The following TRPC4AP variants were observed in gnomAD, a reference collection of about 807,000 sequenced individuals.
TRPC4AP encodes transient receptor potential cation channel subfamily C member 4 associated protein, also known as short transient receptor potential channel 4-associated protein.
TRPC4AP carries 45 observed loss-of-function variants against 99.0 expected under a neutral mutation model. The observed-to-expected ratio is 0.45, with a 90% CI of 0.36 to 0.58. The LOEUF (loss-of-function observed/expected upper bound fraction) is 0.58, where lower values mean the gene tolerates loss of function less well. Ranked by LOEUF, TRPC4AP falls within the 20% of genes least tolerant of loss-of-function variation. The probability of loss-of-function intolerance (pLI) is 0.00; values close to 1 mark genes in which losing one functional copy is unlikely to be tolerated. For synonymous variants in TRPC4AP, 408 were observed against 385.8 expected (o/e 1.06, Z -0.67); for missense variants, 879 against 985.3 (o/e 0.89, Z 1.44).
At chr20:35,080,377 T>G (rs1052576218) in intron 1 of TRPC4AP, among the ~76,000 whole-genome samples, 2 of 151,682 alleles carry the variant, frequency 1.3e-5, no homozygotes, top group African/African-American at 4.8e-5. Context: ...GGCACATGCC[T>G]GTAGTCCCAG....
At chr20:35,026,281 C>T (rs1159462160) in intron 8 of TRPC4AP, among the ~76,000 whole-genome samples, 2 of 151,236 alleles carry the variant, frequency 1.3e-5, no homozygotes, top group Admixed American at 1.3e-4. Flanking sequence ...GTGGCACAAT[C>T]ACAGGTTACT....
chr20:35,029,309 T>C (rs1018800261), intron 8 of TRPC4AP, among the ~76,000 whole-genome samples: 1 of 152,206 alleles, frequency 6.6e-6, no homozygotes, highest in Non-Finnish European at 1.5e-5. Context: ...GCATGATACA[T>C]CTTTTTCTGT....
At chr20:35,047,106 G>A (rs1208083896) in intron 6 of TRPC4AP, among the ~76,000 whole-genome samples, 1 of 152,112 alleles carries the variant, frequency 6.6e-6, no homozygotes, top group South Asian at 2.1e-4. Context: ...CAAGTGATCT[G>A]CCCACCTCGG....
intron 8 of TRPC4AP, among the ~76,000 whole-genome samples, chr20:35,024,725 A>G (rs1289026743): frequency 6.8e-6 from 1 of 146,526 alleles, no homozygotes; most frequent in Non-Finnish European, 1.5e-5. Context: ...GCTACTCGGG[A>G]GGCTGAGGTA....
At chr20:35,053,349 T>G (rs2083748106) in intron 5 of TRPC4AP, among the ~76,000 whole-genome samples, 1 of 152,234 alleles carries the variant, frequency 6.6e-6, no homozygotes, top group South Asian at 2.1e-4. Flanking sequence ...ATTTCATTTT[T>G]TTAACTTAAC....
intron 8 of TRPC4AP, among the ~76,000 whole-genome samples, chr20:35,023,406 T>C (rs1456594544): frequency 1.3e-5 from 2 of 152,248 alleles, no homozygotes; most frequent in African/African-American, 4.8e-5. Flanking sequence ...GAAGTTAAGT[T>C]CTCAGAAAAC....
At chr20:35,076,337 G>C (rs1001803965) in intron 2 of TRPC4AP, among the ~76,000 whole-genome samples, 1 of 152,162 alleles carries the variant, frequency 6.6e-6, no homozygotes, top group Non-Finnish European at 1.5e-5. Flanking sequence ...GAGAAGAGGC[G>C]CTCTGATTTT....
chr20:35,078,409 A>G (rs2084542861), intron 1 of TRPC4AP, among the ~76,000 whole-genome samples: 1 of 152,228 alleles, frequency 6.6e-6, no homozygotes, highest in Admixed American at 6.5e-5. Flanking sequence ...AAACAGCACA[A>G]TATCATTGAG....
chr20:35,078,994 A>G (rs2146018828), intron 1 of TRPC4AP, among the ~76,000 whole-genome samples: 1 of 152,336 alleles, frequency 6.6e-6, no homozygotes, highest in African/African-American at 2.4e-5. Flanking sequence ...TGAACTCGGG[A>G]GGCAGAGGTT....
intron 1 of TRPC4AP, among the ~76,000 whole-genome samples, chr20:35,084,019 G>A (rs1159659518): frequency 6.6e-6 from 1 of 151,876 alleles, no homozygotes; most frequent in Non-Finnish European, 1.5e-5. Context: ...CAGAAAGCAG[G>A]CCGGGCGCGG....
intron 3 of TRPC4AP, among the ~76,000 whole-genome samples, chr20:35,061,919 G>A (rs899137057): frequency 6.6e-6 from 1 of 152,082 alleles, no homozygotes; most frequent in African/African-American, 2.4e-5. Flanking sequence ...GCTACTTAAT[G>A]GGGGAAAATA....
chr20:35,003,418 GGCAGGTGCTGTCCTTGTCCTTGT>G lies in TRPC4AP; in HGVS notation c.2225_2247del (p.His742ProfsTer32). The G allele has an allele frequency of 6.2e-7, 1 of 1,614,106 alleles. No homozygotes were observed. Among genetic ancestry groups the G allele is most frequent in the Non-Finnish European group, 8.5e-7 (1 of 1,180,024 alleles). ...GAGGGTGGGGCACTCACGTTCTCTA[GGCAGGTGCTGTCCTTGTCCTTGT>G]GCAGGTAGTGCTGCTGCCAGAAGCG... On this transcript the variant is annotated frameshift_variant, in exon 18 of 19. Transcript: ENST00000252015. LOFTEE classifies it high-confidence loss of function.
At chr20:35,086,550 T>TATATGA in intron 1 of TRPC4AP, among the ~76,000 whole-genome samples, 1 of 142,100 alleles carries the variant, frequency 7.0e-6, no homozygotes, top group Non-Finnish European at 1.6e-5. Context: ...TGTGTGTGTG[T>TATATGA]GTGTGTGTGT....
intron 10 of TRPC4AP, 74 bp downstream of exon 10, chr20:35,015,934 G>T (rs1008801003): frequency 3.1e-6 from 5 of 1,587,310 alleles, no homozygotes; most frequent in African/African-American, 1.3e-5. Flanking sequence ...AAGGTCAAAG[G>T]GTCAGCAGCA....
intron 4 of TRPC4AP, among the ~76,000 whole-genome samples, chr20:35,056,574 AT>A (rs2083831186): frequency 6.6e-6 from 1 of 152,136 alleles, no homozygotes; most frequent in African/African-American, 2.4e-5. Flanking sequence ...TAAAAAAAAA[AT>A]CTTTTAAATT....
intron 1 of TRPC4AP, among the ~76,000 whole-genome samples, chr20:35,084,888 T>A (rs2084794462): frequency 6.6e-6 from 1 of 152,116 alleles, no homozygotes; most frequent in Admixed American, 6.6e-5. Context: ...ATGGCCCTGC[T>A]GTAAATAATA....
At chr20:35,085,144 C>A (rs1347889509) in intron 1 of TRPC4AP, among the ~76,000 whole-genome samples, 1 of 152,190 alleles carries the variant, frequency 6.6e-6, no homozygotes, top group African/African-American at 2.4e-5. Context: ...AGTATGGACA[C>A]TGAACAGCAT....
intron 3 of TRPC4AP, among the ~76,000 whole-genome samples, chr20:35,062,993 G>A (rs553037898): frequency 2.6e-5 from 4 of 152,368 alleles, no homozygotes; most frequent in African/African-American, 9.6e-5. Context: ...GTTTGGCTGT[G>A]TGCCCTCACC....
At chr20:35,007,678 C>T (rs2082542932) in intron 13 of TRPC4AP, 38 bp from the exon 14 acceptor site, 1 of 1,604,776 alleles carries the variant, frequency 6.2e-7, no homozygotes, top group Non-Finnish European at 8.5e-7. Context: ...CTAAGGCTGC[C>T]CTCTTCCGGC....
Sources: gnomAD v4.1 joint callset for allele counts (sites outside exome capture counted in the v4.1 genomes callset) on GRCh38, gnomAD v4.1.1 for gene constraint, MANE v1.5 for transcripts, NCBI Gene and HGNC (gene_info 2026-07-23, HGNC 2026-07-21) for gene names.